The following FAM78B variants were observed in gnomAD, a reference collection of about 807,000 sequenced individuals.
FAM78B encodes protein FAM78B.
FAM78B carries 10 observed loss-of-function variants against 20.0 expected under a neutral mutation model. The ratio of observed to expected loss-of-function variants is 0.50; its 90% CI spans 0.31 to 0.85. FAM78B has a LOEUF of 0.85. Among genes scored for constraint, FAM78B ranks in the 40% least tolerant of loss-of-function variants. The pLI is 0.05. For missense variants in FAM78B, 283 were observed against 345.0 expected (o/e 0.82, Z 1.42); for synonymous variants, 135 against 132.8 (o/e 1.02, Z -0.12).
intron 1 of FAM78B, among the ~76,000 whole-genome samples, chr1:166,138,850 G>A (rs61835126): frequency 0.069 from 10,479 of 152,286 alleles, 442 homozygotes; most frequent in South Asian, 0.14. Context: ...CTTGCACATG[G>A]CAGGTACTCA....
intron 1 of FAM78B, among the ~76,000 whole-genome samples, chr1:166,089,127 G>A (rs759526748): frequency 2.6e-5 from 4 of 152,120 alleles, no homozygotes; most frequent in Non-Finnish European, 5.9e-5. Context: ...CTAAACCCAA[G>A]TGTCACTTCC....
chr1:166,151,521 A>G (rs929839609), intron 1 of FAM78B, among the ~76,000 whole-genome samples: 1 of 152,208 alleles, frequency 6.6e-6, no homozygotes, highest in Non-Finnish European at 1.5e-5. Flanking sequence ...CTGATCCAGA[A>G]GCATCCTGCT....
At chr1:166,107,301 A>G (rs1299512227) in intron 1 of FAM78B, among the ~76,000 whole-genome samples, 1 of 152,202 alleles carries the variant, frequency 6.6e-6, no homozygotes, top group Non-Finnish European at 1.5e-5. Flanking sequence ...AACCTCACTA[A>G]GAAACAAAAC....
intron 1 of FAM78B, among the ~76,000 whole-genome samples, chr1:166,120,219 C>G (rs1374561128): frequency 6.6e-6 from 1 of 152,214 alleles, no homozygotes. Flanking sequence ...ATAAGGTCAG[C>G]ATTATTTTCC....
At chr1:166,143,869 T>C (rs796465266) in intron 1 of FAM78B, among the ~76,000 whole-genome samples, 7 of 152,280 alleles carry the variant, frequency 4.6e-5, no homozygotes, top group African/African-American at 1.7e-4. Flanking sequence ...GCAACTCTTT[T>C]AGTCTTTACC....
intron 1 of FAM78B, among the ~76,000 whole-genome samples, chr1:166,088,041 C>T (rs780873434): frequency 2.0e-5 from 3 of 152,228 alleles, no homozygotes; most frequent in South Asian, 4.2e-4. Flanking sequence ...CCTGCCCCAA[C>T]GCAAAGCCCA....
At chr1:166,125,587 T>C (rs1654612215) in intron 1 of FAM78B, among the ~76,000 whole-genome samples, 1 of 152,158 alleles carries the variant, frequency 6.6e-6, no homozygotes, top group Admixed American at 6.5e-5. Context: ...AATACAATTG[T>C]TCCTCTCTGT....
At chr1:166,111,417 A>C (rs1365060301) in intron 1 of FAM78B, among the ~76,000 whole-genome samples, 1 of 152,238 alleles carries the variant, frequency 6.6e-6, no homozygotes, top group Non-Finnish European at 1.5e-5. Context: ...TGTAGAGAAC[A>C]AGTTAGAAAT....
chr1:166,093,108 T>C (rs890416683), intron 1 of FAM78B, among the ~76,000 whole-genome samples: 5 of 152,194 alleles, frequency 3.3e-5, no homozygotes, highest in Admixed American at 1.3e-4. Flanking sequence ...GAGAGAAGTA[T>C]TGTTTGGAAT....
chr1:166,088,824 G>A (rs1387391230), intron 1 of FAM78B, among the ~76,000 whole-genome samples: 1 of 152,050 alleles, frequency 6.6e-6, no homozygotes, highest in Non-Finnish European at 1.5e-5. Flanking sequence ...GGGCTAGTGG[G>A]CTCCTCCAGT....
intron 1 of FAM78B, chr1:166,087,433 T>G (rs1389402671): frequency 6.6e-6 from 1 of 152,156 alleles, no homozygotes; most frequent in African/African-American, 2.4e-5. Flanking sequence ...GAGTAAACCA[T>G]GGAGGCAGGA....
In FAM78B at chr1:166,157,040, G is replaced by C. The variant is rs1417265808; in HGVS notation, c.263+8946C>G. Among the ~76,000 whole-genome samples, 26 of 108,768 alleles carry C rather than the reference G, an allele frequency of 2.4e-4. 7 individuals carry two copies. The highest frequency in any genetic ancestry group is 7.4e-4 in the East Asian group (2 of 2,706). The allele number at this position is 108,768 out of a possible 152,430, so 71.4% of individuals were successfully genotyped here. A position where few individuals can be genotyped will look rare whatever the true frequency, so the allele number is the denominator to read the frequency against. On this transcript the variant is annotated intron_variant, in intron 1 of 1. Transcript: ENST00000354422. Reference sequence around the variant, plus strand: ...ATGACGTCAAGGGGGCGGCGGAGGGGGGGGGGGGGCTCCAATGCCTTCCTC... The same window carrying C: ...ATGACGTCAAGGGGGCGGCGGAGGGCGGGGGGGGGCTCCAATGCCTTCCTC...
intron 1 of FAM78B, among the ~76,000 whole-genome samples, chr1:166,075,217 G>A (rs141575930): frequency 9.9e-4 from 150 of 152,272 alleles, no homozygotes; most frequent in African/African-American, 3.3e-3. Flanking sequence ...GGGAGGGAAC[G>A]AGGATGTTTA....
chr1:166,064,680 G>A (rs79380461), downstream of FAM78B, among the ~76,000 whole-genome samples: 1,736 of 152,306 alleles, frequency 0.011, 34 homozygotes, highest in African/African-American at 0.04. Flanking sequence ...CTCCTGAGAT[G>A]GTTTTGGGCT....
At chr1:166,065,260 G>A (rs757571401), downstream of FAM78B, among the ~76,000 whole-genome samples, 1 of 152,128 alleles carries the variant, frequency 6.6e-6, no homozygotes, top group African/African-American at 2.4e-5. Flanking sequence ...GAGGGCTCAA[G>A]TTCTTAGGGC....
intron 1 of FAM78B, among the ~76,000 whole-genome samples, chr1:166,108,182 T>C (rs1431410466): frequency 6.6e-6 from 1 of 152,080 alleles, no homozygotes; most frequent in East Asian, 1.9e-4. Context: ...GGCATCGAAA[T>C]CGGTAAAGAG....
chr1:166,060,536 A>G (rs1375994563), exon 3 of FAM78B: 2 of 1,148,590 alleles, frequency 1.7e-6, no homozygotes, highest in East Asian at 5.8e-5. Context: ...AGGATGGCAC[A>G]CATTTTAATG....
chr1:166,112,530 AAGATACT>A (rs1188347046), intron 1 of FAM78B, among the ~76,000 whole-genome samples: 2 of 152,142 alleles, frequency 1.3e-5, no homozygotes, highest in South Asian at 2.1e-4. Context: ...CCTTGAAAAA[AAGATACT>A]AATTCTTGGA....
At chr1:166,090,678 GACA>G (rs1157749916) in intron 1 of FAM78B, among the ~76,000 whole-genome samples, 1 of 152,126 alleles carries the variant, frequency 6.6e-6, no homozygotes, top group Non-Finnish European at 1.5e-5. Context: ...GGGTGCAGGC[GACA>G]ACAAGACTCA....
Sources: allele counts gnomAD v4.1 joint callset (sites outside exome capture counted in the v4.1 genomes callset), GRCh38; gene constraint gnomAD v4.1.1; transcripts MANE v1.5; gene names NCBI Gene and HGNC (gene_info 2026-07-23, HGNC 2026-07-21).